ARHGAP32: variants seen among roughly 807,000 people sequenced by gnomAD.
ARHGAP32 encodes Rho GTPase activating protein 32.
In ARHGAP32, 51 loss-of-function variants were observed where a neutral mutation model predicts 186.5. The ratio of observed to expected loss-of-function variants is 0.27; its 90% CI spans 0.22 to 0.35. The LOEUF (loss-of-function observed/expected upper bound fraction) is 0.35, where lower values mean the gene tolerates loss of function less well. Ranked by LOEUF, ARHGAP32 falls within the 10% of genes least tolerant of loss-of-function variation. The pLI, the probability that ARHGAP32 is intolerant of heterozygous loss-of-function variation, is 1.00. For missense variants in ARHGAP32, 2,186 were observed against 2,623.5 expected (o/e 0.83, Z 3.64); for synonymous variants, 950 against 964.3 (o/e 0.99, Z 0.27).
At chr11:129,002,977 T>C (rs1411062153) in intron 11 of ARHGAP32, among the ~76,000 whole-genome samples, 3 of 151,996 alleles carry the variant, frequency 2.0e-5, no homozygotes, top group African/African-American at 7.2e-5. Flanking sequence ...CCCGGCTAAC[T>C]TTTTGTATTT....
chr11:129,033,933 T>C (rs1050338728), intron 11 of ARHGAP32, among the ~76,000 whole-genome samples: 9 of 152,232 alleles, frequency 5.9e-5, no homozygotes, highest in Non-Finnish European at 1.2e-4. Flanking sequence ...CATTGATCTA[T>C]TGGTCTATCT....
intron 10 of ARHGAP32, among the ~76,000 whole-genome samples, chr11:129,055,287 T>A (rs2135102403): frequency 6.6e-6 from 1 of 152,310 alleles, no homozygotes; most frequent in East Asian, 1.9e-4. Context: ...AATTATCAAA[T>A]GTTGGTGAGG....
At chr11:129,173,460 C>CT (rs1314378481) in intron 1 of ARHGAP32, among the ~76,000 whole-genome samples, 16 of 152,312 alleles carry the variant, frequency 1.1e-4, no homozygotes, top group Admixed American at 6.5e-5. Context: ...TCCTCCCTAA[C>CT]TCATTTTATG....
chr11:129,174,199 G>A (rs867118012), intron 1 of ARHGAP32, among the ~76,000 whole-genome samples: 3 of 152,178 alleles, frequency 2.0e-5, no homozygotes, highest in Admixed American at 6.5e-5. Flanking sequence ...CTGGAAAATC[G>A]GTTCACTCCC....
At chr11:129,137,818 T>C (rs1323683435) in intron 2 of ARHGAP32, among the ~76,000 whole-genome samples, 2 of 152,014 alleles carry the variant, frequency 1.3e-5, no homozygotes, top group Non-Finnish European at 2.9e-5. Flanking sequence ...TGGCACAGCA[T>C]ATAGTGTTTT....
chr11:129,157,892 G>A (rs943894382), intron 2 of ARHGAP32, among the ~76,000 whole-genome samples: 9 of 152,230 alleles, frequency 5.9e-5, no homozygotes, highest in South Asian at 2.1e-4. Flanking sequence ...TGCAGAAACC[G>A]TACAAGCCAG....
At chr11:129,181,429 A>G (rs942286653) in intron 1 of ARHGAP32, among the ~76,000 whole-genome samples, 7 of 152,180 alleles carry the variant, frequency 4.6e-5, no homozygotes, top group African/African-American at 1.7e-4. Context: ...GGCTGATGAT[A>G]TAAATCTGAG....
chr11:129,071,233 CT>C lies in ARHGAP32; in HGVS notation c.532-4366del, dbSNP rs573033898. Among the ~76,000 whole-genome samples, 25 of 151,874 alleles carry C rather than the reference CT, an allele frequency of 1.6e-4. No homozygotes were observed. The East Asian group carries it at 4.6e-3, about 28-fold the overall frequency. On this transcript the variant is annotated intron_variant, in intron 6 of 22. Transcript: ENST00000682385. The stretch of plus-strand genomic sequence containing the variant: ...TAGTCTTGAATGGGATTATATCAAA[CT>C]AAAAAGCTTCTGCACAGCAAAGAAA...
chr11:129,038,119 A>T (rs2135006925), intron 11 of ARHGAP32, among the ~76,000 whole-genome samples: 1 of 152,138 alleles, frequency 6.6e-6, no homozygotes, highest in East Asian at 1.9e-4. Flanking sequence ...GAACAAAAAA[A>T]GACATATAAA....
intron 6 of ARHGAP32, among the ~76,000 whole-genome samples, chr11:129,068,368 T>C (rs533940705): frequency 6.6e-6 from 1 of 152,238 alleles, no homozygotes; most frequent in Non-Finnish European, 1.5e-5. Context: ...TGTTAGCTCT[T>C]TCTTTGATGC....
chr11:129,067,222 A>G (rs924246496), intron 6 of ARHGAP32, among the ~76,000 whole-genome samples: 4 of 152,100 alleles, frequency 2.6e-5, no homozygotes, highest in Non-Finnish European at 4.4e-5. Context: ...AACTGAAATT[A>G]AAGAAAAATA....
At chr11:129,210,346 A>C (rs186631916) in intron 1 of ARHGAP32, among the ~76,000 whole-genome samples, 179 of 152,306 alleles carry the variant, frequency 1.2e-3, no homozygotes, top group African/African-American at 4.2e-3. Flanking sequence ...CTGTATGGGA[A>C]ATTTTCACAC....
Position 128,970,324 on chromosome 11 carries a change from G to C in ARHGAP32, c.4889C>G (p.Pro1630Arg). 3.7e-6 allele frequency: 6 copies of C among 1,614,212 alleles called. No individual in the cohort carries two copies. Among genetic ancestry groups the C allele is most frequent in the Non-Finnish European group, 5.1e-6 (6 of 1,180,040 alleles). ...CTGATATGGCTTATATTGGTACAGA[G>C]GTCTTGGGCAGTAGGCTGGCTCATC... ...PDDEPAYCPR[P>R]LYQYKPYQSS... The change falls in exon 23 of 23, where the codon CCT becomes CGT. Residue 1630 changes from proline (P) to arginine (R), a missense_variant. Transcript: ENST00000682385. The surrounding 1 kb of genome is among the most constrained non-coding windows in gnomAD (Gnocchi z 5.8).
At chr11:129,076,357 G>A (rs980919193) in intron 6 of ARHGAP32, among the ~76,000 whole-genome samples, 13 of 152,210 alleles carry the variant, frequency 8.5e-5, no homozygotes, top group South Asian at 2.1e-4. Context: ...TTGCTTTCAC[G>A]TTATGGGCTC....
chr11:129,124,995 C>A, intron 2 of ARHGAP32, 101 bp from the exon 3 acceptor site: 1 of 698,592 alleles, frequency 1.4e-6, no homozygotes. Context: ...TGACTTTTTA[C>A]CTACAAAATA....
chr11:128,980,789 G>GTAGT, intron 17 of ARHGAP32, 41 bp from the exon 18 acceptor site: 1 of 1,424,334 alleles, frequency 7.0e-7, no homozygotes, highest in Non-Finnish European at 9.7e-7. Flanking sequence ...AGTCAACTAC[G>GTAGT]TGAGTGTATT....
intron 5 of ARHGAP32, among the ~76,000 whole-genome samples, chr11:129,105,902 G>T (rs574532261): frequency 1.3e-5 from 2 of 152,158 alleles, no homozygotes; most frequent in South Asian, 4.2e-4. Context: ...GGGAAATCAA[G>T]AAACTGATGT....
intron 1 of ARHGAP32, among the ~76,000 whole-genome samples, chr11:129,216,216 G>A (rs894525320): frequency 2.6e-5 from 4 of 152,096 alleles, no homozygotes; most frequent in African/African-American, 9.7e-5. Context: ...ACCATGCAGA[G>A]TAACATACAG....
intron 1 of ARHGAP32, among the ~76,000 whole-genome samples, chr11:129,244,413 T>C (rs890563364): frequency 1.3e-5 from 2 of 152,254 alleles, no homozygotes; most frequent in East Asian, 3.8e-4. Context: ...GTATGGATGT[T>C]GTAATGGTCT....
Sources: gnomAD v4.1 joint callset for allele counts (sites outside exome capture counted in the v4.1 genomes callset) on GRCh38, gnomAD v4.1.1 for gene constraint, Gnocchi (gnomAD v3.1) non-coding constraint, MANE v1.5 for transcripts, NCBI Gene and HGNC (gene_info 2026-07-23, HGNC 2026-07-21) for gene names.